EPSTI1: variants seen among roughly 807,000 people sequenced by gnomAD.
EPSTI1 encodes the protein epithelial stromal interaction 1.
Under a neutral mutation model 49.9 loss-of-function variants are expected in EPSTI1, and 66 were observed. The observed-to-expected ratio is 1.32, with a 90% CI of 1.08 to 1.62. The LOEUF (loss-of-function observed/expected upper bound fraction) is 1.62. Among genes scored for constraint, EPSTI1 ranks in the 40% most tolerant of loss-of-function variants. The pLI is 0.00. For missense variants in EPSTI1, 394 were observed against 365.5 expected (o/e 1.08, Z -0.64); for synonymous variants, 137 against 130.7 (o/e 1.05, Z -0.33).
intron 2 of EPSTI1, 97 bp from the exon 3 acceptor site, chr13:42,969,274 A>G (rs574445249): frequency 5.9e-6 from 7 of 1,180,178 alleles, no homozygotes; most frequent in Admixed American, 2.1e-5. Context: ...GAAGGCAATT[A>G]ACTATATGTG....
At chr13:42,891,656 C>T (rs1190236824) in intron 10 of EPSTI1, among the ~76,000 whole-genome samples, 1 of 152,144 alleles carries the variant, frequency 6.6e-6, no homozygotes, top group Non-Finnish European at 1.5e-5. Flanking sequence ...AGTATCTAAT[C>T]ATTTTAGCAT....
chr13:42,969,022 T>C (rs1240955057), intron 3 of EPSTI1, 72 bp downstream of exon 3: 4 of 1,428,174 alleles, frequency 2.8e-6, no homozygotes, highest in Non-Finnish European at 3.9e-6. Context: ...CAGACAGACA[T>C]ATGCAAGCTG....
At chr13:42,980,519 C>T (rs551608380) in intron 1 of EPSTI1, among the ~76,000 whole-genome samples, 1 of 152,286 alleles carries the variant, frequency 6.6e-6, no homozygotes, top group East Asian at 1.9e-4. Flanking sequence ...AGAGGAACTG[C>T]CCTTTATAAA....
chr13:42,897,832 G>C (rs980180927), intron 9 of EPSTI1, among the ~76,000 whole-genome samples: 5 of 152,172 alleles, frequency 3.3e-5, no homozygotes, highest in African/African-American at 1.2e-4. Flanking sequence ...AAATGGGAGG[G>C]AAAAGAACCA....
chr13:42,986,678 G>A (rs866357828), intron 1 of EPSTI1, among the ~76,000 whole-genome samples: 9 of 146,634 alleles, frequency 6.1e-5, no homozygotes, highest in African/African-American at 2.3e-4. Context: ...CTGGGAGGCA[G>A]AGGTGGCAGT....
chr13:42,913,585 AAG>A (rs1235647930), intron 8 of EPSTI1, among the ~76,000 whole-genome samples: 2 of 152,210 alleles, frequency 1.3e-5, no homozygotes, highest in Non-Finnish European at 2.9e-5. Context: ...AATTCTCATG[AAG>A]AGTTAGACCA....
rs60372725 is a variant in EPSTI1 at position 42,926,026 on chromosome 13, T to TGGAAGGAAGGAAGGAAGGAA, written c.657+290_657+309dup. On this transcript the variant is annotated intron_variant, in intron 7 of 10. Coordinates refer to ENST00000313624, the MANE Select transcript of EPSTI1 (RefSeq NM_033255.5). ...AAGGAAGGATGGATGGATGCATGGA[T>TGGAAGGAAGGAAGGAAGGAA]GGAAGGAAGGAAGGAAGGAAGGTAG... 5.3e-4 allele frequency among the ~76,000 whole-genome samples: 76 copies of TGGAAGGAAGGAAGGAAGGAA among 142,720 alleles called. 1 individual carries two copies. Among genetic ancestry groups the TGGAAGGAAGGAAGGAAGGAA allele is most frequent in the South Asian group, 5.0e-3 (21 of 4,166 alleles). 93.6% of individuals were successfully genotyped at this position (142,720 alleles called of 152,430 possible).
chr13:42,971,945 C>T (rs992616060), intron 1 of EPSTI1, among the ~76,000 whole-genome samples: 1 of 152,200 alleles, frequency 6.6e-6, no homozygotes, highest in African/African-American at 2.4e-5. Flanking sequence ...AATTAGGAGA[C>T]TGCCACTGGC....
chr13:42,929,641 C>T (rs1052957478), intron 6 of EPSTI1, among the ~76,000 whole-genome samples: 6 of 152,150 alleles, frequency 3.9e-5, no homozygotes, highest in Non-Finnish European at 7.3e-5. Context: ...CATACCAGGA[C>T]AGTGGTTACT....
At chr13:42,902,654 C>T (rs1486603578) in intron 8 of EPSTI1, among the ~76,000 whole-genome samples, 3 of 152,068 alleles carry the variant, frequency 2.0e-5, no homozygotes, top group Admixed American at 6.6e-5. Context: ...ACAAGTTTTA[C>T]CAGAATTGTA....
chr13:42,894,675 GAAAA>G (rs61611018), intron 10 of EPSTI1, among the ~76,000 whole-genome samples: 29,830 of 138,638 alleles, frequency 0.22, 3,168 homozygotes, highest in African/African-American at 0.27. Context: ...CCATATTTCT[GAAAA>G]AAAAAAAAAA....
intron 1 of EPSTI1, among the ~76,000 whole-genome samples, chr13:42,987,400 C>T (rs529430304): frequency 2.6e-5 from 4 of 152,136 alleles, no homozygotes; most frequent in African/African-American, 4.8e-5. Flanking sequence ...AAAGCTCAAA[C>T]GTCACCTCTA....
intron 10 of EPSTI1, among the ~76,000 whole-genome samples, chr13:42,891,879 G>A (rs2037045417): frequency 6.6e-6 from 1 of 152,138 alleles, no homozygotes; most frequent in African/African-American, 2.4e-5. Context: ...AACATACAAG[G>A]AAATTATGTT....
At position 42,986,198 on chromosome 13, in the gene EPSTI1, G is replaced by GT. The variant is rs559111536; in HGVS notation, c.188+5779dup. ...CCGTCAGCTGACTATGCTCCCCACT[G>GT]TAAGTTCTTCTGAAGACAATCTGAA... On this transcript the variant is annotated intron_variant, in intron 1 of 10. Coordinates refer to ENST00000313624, the MANE Select transcript of EPSTI1 (RefSeq NM_033255.5). Among the ~76,000 whole-genome samples, 6 of 152,332 alleles carry GT rather than the reference G, an allele frequency of 3.9e-5. No individual in the cohort carries two copies. The East Asian group carries it at 1.2e-3, about 29-fold the overall frequency.
intron 6 of EPSTI1, among the ~76,000 whole-genome samples, chr13:42,942,276 T>C (rs957077350): frequency 6.6e-5 from 10 of 152,224 alleles, no homozygotes; most frequent in Non-Finnish European, 1.5e-4. Flanking sequence ...TTTATTCTAA[T>C]AAGATAATTT....
At chr13:42,979,133 T>G (rs1305762440) in intron 1 of EPSTI1, among the ~76,000 whole-genome samples, 2 of 152,178 alleles carry the variant, frequency 1.3e-5, no homozygotes, top group Non-Finnish European at 2.9e-5. Flanking sequence ...ATAACGTAAC[T>G]ACAGAAAACG....
At chr13:42,900,434 C>G in intron 8 of EPSTI1, 51 bp from the exon 9 acceptor site, 10 of 1,515,290 alleles carry the variant, frequency 6.6e-6, no homozygotes, top group Non-Finnish European at 9.1e-6. Flanking sequence ...CACAGTTGTA[C>G]AGAAGATACC....
At chr13:42,984,198 T>C (rs1211720508) in intron 1 of EPSTI1, among the ~76,000 whole-genome samples, 1 of 152,220 alleles carries the variant, frequency 6.6e-6, no homozygotes, top group Non-Finnish European at 1.5e-5. Flanking sequence ...ACAGATACTA[T>C]CTTCCAATGT....
rs753763689 is a variant in EPSTI1, at chr13:42,969,188, C to A, written c.248-11G>T. On this transcript the variant is annotated splice_polypyrimidine_tract_variant and intron_variant, in intron 2 of 10. Coordinates refer to ENST00000313624, the MANE Select transcript of EPSTI1 (RefSeq NM_033255.5). ...GCTCCTGCTCCGCAACTAAGCCAGGCGAGAAATATCAAATCGTCAATTATT... is the reference window on the plus strand; with the variant it reads ...GCTCCTGCTCCGCAACTAAGCCAGGAGAGAAATATCAAATCGTCAATTATT... 1 of 1,612,780 alleles carries A rather than the reference C, an allele frequency of 6.2e-7. No homozygotes were observed. Among genetic ancestry groups the A allele is most frequent in the Admixed American group, 1.7e-5 (1 of 59,868 alleles).
Sources: gnomAD v4.1 joint callset for allele counts (sites outside exome capture counted in the v4.1 genomes callset) on GRCh38, gnomAD v4.1.1 for gene constraint, MANE v1.5 for transcripts, NCBI Gene and HGNC (gene_info 2026-07-23, HGNC 2026-07-21) for gene names.